SORCS3: variants seen among roughly 807,000 people sequenced by gnomAD.
SORCS3 encodes sortilin related VPS10 domain containing receptor 3.
Under a neutral mutation model 146.3 loss-of-function variants are expected in SORCS3, and 57 were observed. That is an observed-to-expected ratio of 0.39 (90% CI 0.31 to 0.49). The LOEUF (loss-of-function observed/expected upper bound fraction) is 0.49. Among genes scored for constraint, SORCS3 ranks in the 20% least tolerant of loss-of-function variants. SORCS3 has a pLI of 0.92. For synonymous variants in SORCS3, 653 were observed against 618.5 expected (o/e 1.06, Z -0.83); for missense variants, 1,341 against 1,575.5 (o/e 0.85, Z 2.52).
At chr10:104,696,163 TATA>T (rs1288955038) in intron 1 of SORCS3, among the ~76,000 whole-genome samples, 1 of 119,282 alleles carries the variant, frequency 8.4e-6, no homozygotes, top group Non-Finnish European at 1.7e-5. Flanking sequence ...TATATACACA[TATA>T]ATATATAATA....
intron 1 of SORCS3, among the ~76,000 whole-genome samples, chr10:104,696,603 T>A (rs1311269182): frequency 2.0e-4 from 17 of 83,840 alleles, no homozygotes; most frequent in Non-Finnish European, 3.3e-4. Flanking sequence ...TACGTATATA[T>A]TATATATAAT....
At chr10:104,940,231 TATATA>T (rs1319384485) in intron 3 of SORCS3, among the ~76,000 whole-genome samples, 11 of 18,042 alleles carry the variant, frequency 6.1e-4, no homozygotes, top group Non-Finnish European at 8.8e-4. Flanking sequence ...TATATATATA[TATATA>T]TATTTTTTTT....
At chr10:105,227,505 A>C (rs1379088799) in intron 20 of SORCS3, among the ~76,000 whole-genome samples, 3 of 152,154 alleles carry the variant, frequency 2.0e-5, no homozygotes, top group Non-Finnish European at 4.4e-5. Context: ...GCTGATGAGA[A>C]GAATGTATAT....
chr10:104,737,986 C>T (rs1024968382), intron 1 of SORCS3, among the ~76,000 whole-genome samples: 33 of 151,542 alleles, frequency 2.2e-4, no homozygotes, highest in African/African-American at 7.8e-4. Flanking sequence ...TTTCAGCTTT[C>T]TACATATGGC....
intron 14 of SORCS3, among the ~76,000 whole-genome samples, chr10:105,187,994 C>G (rs868493568): frequency 5.3e-5 from 8 of 152,006 alleles, no homozygotes; most frequent in Middle Eastern, 6.9e-3. Context: ...GGTGGTGGTG[C>G]TGCTGCTGCT....
intron 1 of SORCS3, among the ~76,000 whole-genome samples, chr10:104,699,591 G>A (rs2016256531): frequency 6.6e-6 from 1 of 152,124 alleles, no homozygotes; most frequent in Non-Finnish European, 1.5e-5. Context: ...AACTACCTTT[G>A]GAGATGTGTG....
intron 2 of SORCS3, among the ~76,000 whole-genome samples, chr10:104,854,755 T>G (rs2018311490): frequency 6.6e-6 from 1 of 152,192 alleles, no homozygotes; most frequent in Non-Finnish European, 1.5e-5. Context: ...CAACCACTAA[T>G]CTGTTCTCCA....
At chr10:104,707,927 G>C (rs977915149) in intron 1 of SORCS3, among the ~76,000 whole-genome samples, 1 of 152,216 alleles carries the variant, frequency 6.6e-6, no homozygotes, top group African/African-American at 2.4e-5. Flanking sequence ...TTATTGAAGA[G>C]AAGGTTGGAC....
At chr10:105,110,899 A>G (rs74157436) in intron 7 of SORCS3, among the ~76,000 whole-genome samples, 3,932 of 152,224 alleles carry the variant, frequency 0.026, 156 homozygotes, top group African/African-American at 0.084. Context: ...ATCAACACCA[A>G]CCTTCCCCAC....
chr10:105,085,504 T>C (rs1263782774), intron 5 of SORCS3, among the ~76,000 whole-genome samples: 2 of 152,348 alleles, frequency 1.3e-5, no homozygotes, highest in African/African-American at 4.8e-5. Flanking sequence ...TCCTGAGCAG[T>C]GCTGGAGCTC....
chr10:105,086,819 C>T (rs1303689396), intron 5 of SORCS3, among the ~76,000 whole-genome samples: 2 of 152,134 alleles, frequency 1.3e-5, no homozygotes, highest in African/African-American at 4.8e-5. Flanking sequence ...AGACCTTTGT[C>T]AGATGGATAG....
At chr10:104,682,605 T>C (rs573223502) in intron 1 of SORCS3, among the ~76,000 whole-genome samples, 55 of 152,344 alleles carry the variant, frequency 3.6e-4, no homozygotes, top group Admixed American at 6.5e-4. Flanking sequence ...GAATAACTTA[T>C]GTAGGCAATA....
intron 3 of SORCS3, among the ~76,000 whole-genome samples, chr10:104,955,302 C>T (rs138709572): frequency 6.6e-6 from 1 of 152,176 alleles, no homozygotes; most frequent in Non-Finnish European, 1.5e-5. Flanking sequence ...CTGCTTCTTA[C>T]CTGCCATAGT....
intron 7 of SORCS3, among the ~76,000 whole-genome samples, chr10:105,138,252 G>A (rs1003908947): frequency 5.9e-5 from 9 of 152,132 alleles, no homozygotes; most frequent in East Asian, 3.9e-4. Context: ...ACCTGGCAGC[G>A]TGTGGTGCCT....
At chr10:104,867,136 C>T (rs2018468200) in intron 2 of SORCS3, among the ~76,000 whole-genome samples, 1 of 151,820 alleles carries the variant, frequency 6.6e-6, no homozygotes, top group African/African-American at 2.4e-5. Context: ...ACACAATAAG[C>T]CAGGTAATAA....
At chr10:105,172,958 G>A (rs970607267) in intron 13 of SORCS3, among the ~76,000 whole-genome samples, 3 of 151,756 alleles carry the variant, frequency 2.0e-5, no homozygotes, top group African/African-American at 7.3e-5. Flanking sequence ...GGTAGGTCTT[G>A]GTGTTTTTGT....
chr10:105,164,582 G>A (rs771914883), intron 12 of SORCS3, among the ~76,000 whole-genome samples: 2 of 152,218 alleles, frequency 1.3e-5, no homozygotes, highest in African/African-American at 2.4e-5. Context: ...GGAATAGGAG[G>A]AACTGGAATT....
intron 1 of SORCS3, among the ~76,000 whole-genome samples, chr10:104,674,320 C>T (rs2015890121): frequency 6.6e-6 from 1 of 152,224 alleles, no homozygotes; most frequent in Admixed American, 6.5e-5. Flanking sequence ...GTGGACTGGA[C>T]TCAGTAACTT....
chr10:104,948,323 A>G (rs1335734751), intron 3 of SORCS3, among the ~76,000 whole-genome samples: 1 of 152,202 alleles, frequency 6.6e-6, no homozygotes, highest in Non-Finnish European at 1.5e-5. Flanking sequence ...GGGCTTTGCC[A>G]AATTAGTGGG....
Sources: gnomAD v4.1 joint callset for allele counts (sites outside exome capture counted in the v4.1 genomes callset) on GRCh38, gnomAD v4.1.1 for gene constraint, MANE v1.5 for transcripts, NCBI Gene and HGNC (gene_info 2026-07-23, HGNC 2026-07-21) for gene names.